Variants in ZNF407 observed in about 807,000 individuals in gnomAD.
ZNF407 encodes zinc finger protein 407.
In ZNF407, 17 loss-of-function variants were observed where a neutral mutation model predicts 131.2. The ratio of observed to expected loss-of-function variants is 0.13; its 90% confidence interval spans 0.09 to 0.19. The LOEUF (loss-of-function observed/expected upper bound fraction) is 0.19, where lower values mean the gene tolerates loss of function less well. Among genes scored for constraint, ZNF407 ranks in the 10% least tolerant of loss-of-function variants. ZNF407 has a pLI of 1.00. For synonymous variants in ZNF407, 1,156 were observed against 1,062.0 expected (o/e 1.09, Z -1.72); for missense variants, 2,681 against 2,830.6 (o/e 0.95, Z 1.20).
chr18:74,926,439 C>A (rs1971914482), intron 8 of ZNF407, among the ~76,000 whole-genome samples: 1 of 152,140 alleles, frequency 6.6e-6, no homozygotes, highest in Non-Finnish European at 1.5e-5. Context: ...TTGACCTGAC[C>A]TCCACCTCTT....
At chr18:74,644,686 T>C (rs1206095397) in intron 3 of ZNF407, among the ~76,000 whole-genome samples, 3 of 152,002 alleles carry the variant, frequency 2.0e-5, no homozygotes, top group Non-Finnish European at 4.4e-5. Flanking sequence ...TGTGGATTGC[T>C]TACCTTATCC....
In ZNF407 at chr18:74,631,288, G is replaced by C. The variant is rs760502605; in HGVS notation, c.269G>C (p.Gly90Ala). ...GAGCCCCTTAAATCTGGAAAGCAAG[G>C]TATTTGTAGATTAGAAACTTCTGAG... ...EAEPLKSGKQGICRLETSESS... is the reference protein window; with the variant it reads ...EAEPLKSGKQAICRLETSESS... Residue 90 changes from glycine to alanine, a missense_variant, in exon 2 of 9, where the codon GGT (glycine) becomes GCT (alanine). Transcript: ENST00000299687. 6.2e-7 allele frequency: 1 copy of C among 1,613,974 alleles called. No individual in the cohort carries two copies. The highest frequency in any genetic ancestry group is 2.2e-5 in the East Asian group (1 of 44,884).
intron 3 of ZNF407, among the ~76,000 whole-genome samples, chr18:74,688,925 T>C (rs1347620743): frequency 1.3e-5 from 2 of 152,004 alleles, no homozygotes; most frequent in African/African-American, 2.4e-5. Context: ...GCCTTCTGGG[T>C]TCAAGCGATT....
chr18:74,773,838 T>C (rs1969411809), intron 3 of ZNF407, among the ~76,000 whole-genome samples: 1 of 152,184 alleles, frequency 6.6e-6, no homozygotes, highest in Non-Finnish European at 1.5e-5. Flanking sequence ...CCTAGCTTTG[T>C]GGATTGAAAG....
chr18:74,710,767 C>A (rs953548723), intron 3 of ZNF407, among the ~76,000 whole-genome samples: 2 of 152,166 alleles, frequency 1.3e-5, no homozygotes, highest in East Asian at 3.8e-4. Flanking sequence ...GTATCTAATA[C>A]ATGTTTTCAG....
At chr18:74,912,484 A>G (rs1414459930) in intron 7 of ZNF407, among the ~76,000 whole-genome samples, 1 of 152,256 alleles carries the variant, frequency 6.6e-6, no homozygotes, top group East Asian at 1.9e-4. Flanking sequence ...TAGAAAGTCC[A>G]GAATTCACCT....
chr18:74,680,617 T>C (rs900991674), intron 3 of ZNF407, among the ~76,000 whole-genome samples: 1 of 151,750 alleles, frequency 6.6e-6, no homozygotes, highest in Non-Finnish European at 1.5e-5. Flanking sequence ...TGGTTAGGAG[T>C]GATGGTTGAA....
intron 3 of ZNF407, among the ~76,000 whole-genome samples, chr18:74,762,913 A>G (rs1045781197): frequency 2.0e-5 from 3 of 152,184 alleles, no homozygotes; most frequent in East Asian, 1.9e-4. Flanking sequence ...AACATTTGTA[A>G]ACAAGTTTTG....
intron 8 of ZNF407, among the ~76,000 whole-genome samples, chr18:75,012,772 A>G (rs1367921153): frequency 6.6e-6 from 1 of 152,084 alleles, no homozygotes; most frequent in Non-Finnish European, 1.5e-5. Context: ...ATAATAGAAA[A>G]GAGATGATAT....
intron 3 of ZNF407, among the ~76,000 whole-genome samples, chr18:74,715,479 G>A (rs140665034): frequency 1.3e-5 from 2 of 152,174 alleles, no homozygotes; most frequent in African/African-American, 4.8e-5. Context: ...CTGGTGACTG[G>A]AGATGCCTTG....
At chr18:74,813,223 T>C (rs1296834635) in intron 4 of ZNF407, among the ~76,000 whole-genome samples, 2 of 152,048 alleles carry the variant, frequency 1.3e-5, no homozygotes, top group Non-Finnish European at 2.9e-5. Context: ...GGTTTGTCCC[T>C]GTGGACATCC....
chr18:74,616,483 A>G (rs1460264412), intron 1 of ZNF407, among the ~76,000 whole-genome samples: 7 of 151,978 alleles, frequency 4.6e-5, no homozygotes, highest in African/African-American at 1.7e-4. Flanking sequence ...GACAGTTTCT[A>G]GAGATGTTGT....
At chr18:74,619,527 A>C (rs2144635951) in intron 1 of ZNF407, among the ~76,000 whole-genome samples, 1 of 152,340 alleles carries the variant, frequency 6.6e-6, no homozygotes, top group South Asian at 2.1e-4. Context: ...ACTAACTTTT[A>C]TCTTGGAATG....
chr18:74,883,394 G>A (rs143313567), intron 6 of ZNF407, among the ~76,000 whole-genome samples: 6 of 152,214 alleles, frequency 3.9e-5, no homozygotes, highest in Admixed American at 3.3e-4. Context: ...TTTCTCTGAC[G>A]TATTCCTCTT....
At chr18:74,938,546 G>A (rs147995034) in intron 8 of ZNF407, among the ~76,000 whole-genome samples, 91 of 151,784 alleles carry the variant, frequency 6.0e-4, no homozygotes, top group African/African-American at 2.1e-3. Flanking sequence ...ATTTACTCGT[G>A]TACCACTTCG....
chr18:74,886,588 C>T (rs1030277229), intron 6 of ZNF407, among the ~76,000 whole-genome samples: 9 of 152,150 alleles, frequency 5.9e-5, no homozygotes, highest in Non-Finnish European at 1.0e-4. Flanking sequence ...AGTATTTATA[C>T]TCATAGTAGC....
At chr18:74,609,016 T>A (rs1435146623) in intron 1 of ZNF407, among the ~76,000 whole-genome samples, 2 of 152,188 alleles carry the variant, frequency 1.3e-5, no homozygotes, top group African/African-American at 4.8e-5. Flanking sequence ...AATATCAGAA[T>A]CTTTTGAGTT....
chr18:75,062,622 A>G (rs1405145451), intron 8 of ZNF407: 1 of 152,264 alleles, frequency 6.6e-6, no homozygotes, highest in South Asian at 2.1e-4. Flanking sequence ...TTAAACTTTT[A>G]CAGCGGTGTT....
chr18:75,045,231 T>TTATAATATAACTGGAGATGAAAGAAAA (rs1973421443), intron 8 of ZNF407, among the ~76,000 whole-genome samples: 1 of 152,192 alleles, frequency 6.6e-6, no homozygotes, highest in South Asian at 2.1e-4. Context: ...GCAGAAAGTT[T>TTATAATATAACTGGAGATGAAAGAAAA]TATAATATAA....
Sources: gnomAD v4.1 joint callset for allele counts (sites outside exome capture counted in the v4.1 genomes callset) on GRCh38, gnomAD v4.1.1 for gene constraint, MANE v1.5 for transcripts, NCBI Gene and HGNC (gene_info 2026-07-23, HGNC 2026-07-21) for gene names.